Variants in F8 observed in about 807,000 individuals in gnomAD.
F8 encodes the protein antihemophilic factor.
F8 carries 12 observed loss-of-function variants against 140.6 expected under a neutral mutation model. The observed-to-expected ratio is 0.09, with a 90% CI of 0.05 to 0.14. The LOEUF is 0.14. F8 is among the 10% of genes least tolerant of loss of function. The pLI is 1.00. For missense variants in F8, 1,354 were observed against 1,720.7 expected (o/e 0.79, Z 3.77); for synonymous variants, 585 against 614.6 (o/e 0.95, Z 0.71).
chrX:154,901,237 T>G (rs1464907644), intron 20 of F8, 134 bp downstream of exon 20: 1 of 522,315 alleles, frequency 1.9e-6, no homozygotes, highest in Non-Finnish European at 3.4e-6. Flanking sequence ...GAGGAGGAGA[T>G]GTATTTGAGA....
In F8 at chrX:154,860,507, A is replaced by G; in HGVS notation, c.6825T>C (p.Tyr2275=). ...QGVKSLLTSM[Y]VKEFLISSSQ... is the part of the protein sequence containing the mutation. The stretch of plus-strand genomic sequence containing the variant: ...TGCTGGAGATGAGGAACTCCTTCAC[A>G]TACATGCTGGTAAGCAGAGATTTTA... The change falls in exon 25 of 26, where the codon TAT becomes TAC. Residue 2275 remains tyrosine, a synonymous_variant. Coordinates refer to ENST00000360256, the MANE Select transcript of F8 (RefSeq NM_000132.4). 1 of 1,211,289 alleles carries G rather than the reference A, an allele frequency of 8.3e-7. No individual in the cohort carries two copies. Among genetic ancestry groups the G allele is most frequent in the Non-Finnish European group, 1.1e-6 (1 of 895,141 alleles).
intron 19 of F8, 44 bp from the exon 20 acceptor site, chrX:154,901,486 A>G (rs782473556): frequency 7.0e-5 from 61 of 867,660 alleles, no homozygotes; most frequent in Non-Finnish European, 1.0e-4. Context: ...AGTGCACAAA[A>G]TTCAGCTTCT....
intron 14 of F8, among the ~76,000 whole-genome samples, chrX:154,917,340 T>C (rs1378188897): frequency 1.8e-5 from 2 of 111,426 alleles, no homozygotes; most frequent in African/African-American, 6.5e-5. Flanking sequence ...TTATATGTTA[T>C]TTGCTTCTTT....
rs1338415937 is a variant in F8, at chrX:154,851,955, G to A, written c.6900+8477C>T. Among the ~76,000 whole-genome samples, 6 of 112,243 alleles carry A rather than the reference G, an allele frequency of 5.3e-5. No homozygotes were observed. The Admixed American group carries it at 5.7e-4, about 11-fold the overall frequency. On this transcript the variant is annotated intron_variant, in intron 25 of 25. Coordinates refer to ENST00000360256, the MANE Select transcript of F8 (RefSeq NM_000132.4). ...TTTTATAGAGTTGTTGCTTGTGATT[G>A]TGGTGTCACATCTAAGAAACCATTG...
At chrX:154,876,201 G>A (rs1557274000) in intron 22 of F8, among the ~76,000 whole-genome samples, 1 of 102,957 alleles carries the variant, frequency 9.7e-6, no homozygotes, top group Non-Finnish European at 2.0e-5. Context: ...CTCACTGCAA[G>A]CTCCGCCTCC....
intron 6 of F8, among the ~76,000 whole-genome samples, chrX:154,980,507 G>A (rs1463574800): frequency 6.3e-5 from 7 of 111,875 alleles, no homozygotes; most frequent in African/African-American, 2.0e-4. Context: ...TTAGTCACTG[G>A]CACGATTTTT....
chrX:154,893,537 G>A (rs190133239), intron 22 of F8, among the ~76,000 whole-genome samples: 1 of 111,453 alleles, frequency 9.0e-6, no homozygotes, highest in African/African-American at 3.3e-5. Context: ...CTTGAATCTG[G>A]GTGGATATGC....
intron 14 of F8, among the ~76,000 whole-genome samples, chrX:154,913,288 G>A (rs782449574): frequency 1.8e-4 from 20 of 111,250 alleles, no homozygotes; most frequent in African/African-American, 6.5e-4. Context: ...GGATAGGCAG[G>A]AATTTTTACA....
intron 21 of F8, 86 bp from the exon 22 acceptor site, chrX:154,896,318 C>T: frequency 1.0e-6 from 1 of 972,411 alleles, no homozygotes; most frequent in Non-Finnish European, 1.5e-6. Context: ...TAGGAAGAAT[C>T]TACATTGCTA....
chrX:154,866,031 A>T (rs1317613495), intron 22 of F8, among the ~76,000 whole-genome samples: 1 of 111,432 alleles, frequency 9.0e-6, no homozygotes, highest in Non-Finnish European at 1.9e-5. Context: ...GGACATACAT[A>T]GGCTGAAAGT....
intron 12 of F8, among the ~76,000 whole-genome samples, chrX:154,953,610 C>T (rs2073348556): frequency 9.0e-6 from 1 of 110,921 alleles, no homozygotes; most frequent in Non-Finnish European, 1.9e-5. Context: ...AAATATGTTA[C>T]CTGGGCATGG....
chrX:154,845,761 T>G (rs139587986), intron 25 of F8, among the ~76,000 whole-genome samples: 72 of 112,051 alleles, frequency 6.4e-4, no homozygotes, highest in African/African-American at 2.2e-3. Flanking sequence ...ATTCATTGAT[T>G]TTTTAAAGGG....
rs1256271753 is a variant in F8 at position 154,930,766 on chromosome X, G to C, written c.3024C>G (p.Ala1008=). The C allele has an allele frequency of 3.3e-6, 4 of 1,208,750 alleles. No homozygotes were observed. Among genetic ancestry groups the C allele is most frequent in the Non-Finnish European group, 4.5e-6 (4 of 894,102 alleles). The part of the protein sequence containing the change: ...HGPALLTKDN[A]LFKVSISLLK... ...ACAAAGAGATGCTAACTTTGAATAA[G>C]GCATTATCTTTAGTCAACAAAGCAG... Residue 1008 remains alanine (A), a synonymous_variant, in exon 14 of 26, where the codon GCC becomes GCG. Coordinates refer to ENST00000360256, the MANE Select transcript of F8 (RefSeq NM_000132.4).
chrX:154,984,612 T>C (rs2073547916), intron 6 of F8, 75 bp downstream of exon 6: 6 of 751,843 alleles, frequency 8.0e-6, no homozygotes, highest in South Asian at 4.2e-5. Flanking sequence ...TGCCGAGCTG[T>C]TTGTGAACTG....
chrX:154,948,013 T>C, intron 12 of F8, 106 bp from the exon 13 acceptor site: 1 of 648,865 alleles, frequency 1.5e-6, no homozygotes, highest in South Asian at 2.4e-5. Flanking sequence ...ATGCCCATTA[T>C]CTTATTCCCA....
intron 14 of F8, among the ~76,000 whole-genome samples, chrX:154,910,438 T>G (rs1216474182): frequency 1.0e-5 from 1 of 98,138 alleles, no homozygotes; most frequent in Non-Finnish European, 2.1e-5. Flanking sequence ...GGGGGAGGGA[T>G]AGCATTGGGA....
chrX:155,005,540 T>C (rs1207916477), intron 1 of F8, among the ~76,000 whole-genome samples: 2 of 111,382 alleles, frequency 1.8e-5, no homozygotes, highest in Admixed American at 9.5e-5. Context: ...GGAGTTGTGC[T>C]GTGTTCCAAA....
chrX:154,846,240 T>C (rs2072565132), intron 25 of F8, among the ~76,000 whole-genome samples: 1 of 111,584 alleles, frequency 9.0e-6, no homozygotes, highest in Non-Finnish European at 1.9e-5. Flanking sequence ...GATGTGGTGC[T>C]GAGAAGAATG....
chrX:154,976,581 C>A (rs1233129174), intron 6 of F8, among the ~76,000 whole-genome samples: 1 of 106,689 alleles, frequency 9.4e-6, no homozygotes, highest in Non-Finnish European at 1.9e-5. Flanking sequence ...CCCTTCCCCC[C>A]ACCCCACAAC....
Sources: gnomAD v4.1 joint callset for allele counts (sites outside exome capture counted in the v4.1 genomes callset) on GRCh38, gnomAD v4.1.1 for gene constraint, MANE v1.5 for transcripts, NCBI Gene and HGNC (gene_info 2026-07-23, HGNC 2026-07-21) for gene names.